PRKG2: variants seen among roughly 807,000 people sequenced by gnomAD.
The protein encoded by PRKG2 is cGMP-dependent protein kinase 2.
In PRKG2, 33 loss-of-function variants were observed where a neutral mutation model predicts 97.2. That is an observed-to-expected ratio of 0.34 (90% CI 0.26 to 0.45). The LOEUF is 0.45. Among genes scored for constraint, PRKG2 ranks in the 20% least tolerant of loss-of-function variants. The pLI is 1.00. For synonymous variants in PRKG2, 330 were observed against 321.8 expected, an observed-to-expected ratio of 1.03 and a Z score of -0.27; for missense variants, 638 against 900.0, an observed-to-expected ratio of 0.71 and a Z score of 3.73.
intron 17 of PRKG2, among the ~76,000 whole-genome samples, chr4:81,102,361 A>T (rs972815387): frequency 1.3e-5 from 2 of 152,236 alleles, no homozygotes; most frequent in East Asian, 3.8e-4. Context: ...AAAGCATAAC[A>T]TGAAGAACCT....
chr4:81,155,184 A>C (rs1297862473), intron 6 of PRKG2, among the ~76,000 whole-genome samples: 1 of 150,090 alleles, frequency 6.7e-6, no homozygotes, highest in Non-Finnish European at 1.5e-5. Context: ...TCTCAAAAAA[A>C]AAAAAAAGAA....
chr4:81,165,495 T>A (rs952364933), intron 6 of PRKG2, among the ~76,000 whole-genome samples: 1 of 152,196 alleles, frequency 6.6e-6, no homozygotes, highest in Non-Finnish European at 1.5e-5. Flanking sequence ...CAGGACCAAG[T>A]TGATGGGTCA....
intron 14 of PRKG2, among the ~76,000 whole-genome samples, chr4:81,126,771 C>T (rs534475550): frequency 1.3e-5 from 2 of 152,036 alleles, no homozygotes; most frequent in African/African-American, 4.8e-5. Context: ...TGGATATTAG[C>T]CCTTTGTCAG....
At chr4:81,148,519 C>T (rs1312319626) in intron 9 of PRKG2, among the ~76,000 whole-genome samples, 1 of 152,066 alleles carries the variant, frequency 6.6e-6, no homozygotes, top group Non-Finnish European at 1.5e-5. Flanking sequence ...AAAAATTGAC[C>T]ACTAAAGGCA....
chr4:81,147,883 GATAAA>G (rs1748010321), intron 9 of PRKG2, among the ~76,000 whole-genome samples: 2 of 152,090 alleles, frequency 1.3e-5, no homozygotes, highest in Non-Finnish European at 1.5e-5. Flanking sequence ...AAAATGTATA[GATAAA>G]ATAATTTTAT....
chr4:81,110,433 C>T lies in PRKG2; in HGVS notation c.1940+15G>A, dbSNP rs747918492. 1.3e-6 allele frequency: 2 copies of T among 1,599,466 alleles called. No homozygotes were observed. The highest frequency in any genetic ancestry group is 2.3e-5 in the South Asian group (2 of 88,776). On this transcript the variant is annotated intron_variant, in intron 15 of 18. Coordinates refer to ENST00000264399, the MANE Select transcript of PRKG2 (RefSeq NM_006259.3). ...TCTCTGAAGAGGTGGCTGCATAAAA[C>T]TTGAAGGTACATACTTGCCCGTTAG...
chr4:81,144,610 ATT>A (rs780598203), intron 9 of PRKG2, among the ~76,000 whole-genome samples: 1 of 140,060 alleles, frequency 7.1e-6, no homozygotes, highest in African/African-American at 2.9e-5. Flanking sequence ...ATATATATAT[ATT>A]TTTTTTTTAT....
At chr4:81,194,554 AT>A (rs1752822986) in intron 2 of PRKG2, among the ~76,000 whole-genome samples, 1 of 152,168 alleles carries the variant, frequency 6.6e-6, no homozygotes, top group Non-Finnish European at 1.5e-5. Flanking sequence ...TACAGTTGTA[AT>A]TTAATTCTGT....
rs554997006 is a variant in PRKG2 at position 81,152,919 on chromosome 4, G to A, written c.990+725C>T. ...TTCAACCACAATCCAGTTTACAAAT[G>A]GCAGTGCCTGACTCCCTGATGGTAA... On this transcript the variant is annotated intron_variant, in intron 7 of 18. Coordinates refer to ENST00000264399, the MANE Select transcript of PRKG2 (RefSeq NM_006259.3). Among the ~76,000 whole-genome samples, 16 of 152,200 alleles carry A rather than the reference G, an allele frequency of 1.1e-4. No homozygotes were observed. In the South Asian group the frequency reaches 1.5e-3, roughly 14 times the overall value.
chr4:81,203,705 T>C (rs1753458105), intron 2 of PRKG2, among the ~76,000 whole-genome samples: 1 of 152,078 alleles, frequency 6.6e-6, no homozygotes, highest in East Asian at 1.9e-4. Flanking sequence ...CATAAAGAAA[T>C]GCATACACAC....
intron 1 of PRKG2, among the ~76,000 whole-genome samples, chr4:81,210,241 G>A (rs976279625): frequency 4.7e-5 from 7 of 150,220 alleles, no homozygotes; most frequent in Non-Finnish European, 1.0e-4. Context: ...ATTTTGACTT[G>A]ATTAAAATTT....
intron 15 of PRKG2, among the ~76,000 whole-genome samples, chr4:81,109,519 G>T (rs1175259279): frequency 6.6e-6 from 1 of 152,164 alleles, no homozygotes; most frequent in Non-Finnish European, 1.5e-5. Context: ...AACACATATA[G>T]AAGGAAGGTG....
chr4:81,156,710 C>T (rs1025728449), intron 6 of PRKG2, among the ~76,000 whole-genome samples: 9 of 152,134 alleles, frequency 5.9e-5, no homozygotes, highest in African/African-American at 1.9e-4. Context: ...TGTAAAAGAA[C>T]AGAAATTATA....
chr4:81,175,687 A>C (rs1750862567), intron 2 of PRKG2: 1 of 152,186 alleles, frequency 6.6e-6, no homozygotes, highest in African/African-American at 2.4e-5. Context: ...TGACATTTCC[A>C]ATCTCACAGT....
At chr4:81,216,993 G>A (rs1218285641), upstream of PRKG2, among the ~76,000 whole-genome samples, 3 of 144,666 alleles carry the variant, frequency 2.1e-5, 1 homozygote, top group Admixed American at 2.1e-4. Context: ...CACAGTGTAT[G>A]TGTGTGTATA....
intron 6 of PRKG2, among the ~76,000 whole-genome samples, chr4:81,157,242 G>A (rs1749185548): frequency 6.6e-6 from 1 of 151,528 alleles, no homozygotes; most frequent in South Asian, 2.1e-4. Context: ...AAATGATAAA[G>A]GGGATATCAC....
chr4:81,128,369 T>C lies in PRKG2; in HGVS notation c.1776+6786A>G, dbSNP rs903069911. Among the ~76,000 whole-genome samples the C allele has an allele frequency of 5.3e-5, 8 of 152,216 alleles. No homozygotes were observed. The South Asian group carries it at 1.7e-3, about 32-fold the overall frequency. The stretch of plus-strand genomic sequence containing the variant: ...ATAAAATGAGTTAGGGAGGAGTTCC[T>C]CTTTTTCTATTGTTTGGAATAGTTT... On this transcript the variant is annotated intron_variant, in intron 14 of 18. Transcript: ENST00000264399.
At chr4:81,205,181 A>C (rs972967284) in intron 1 of PRKG2, 121 bp from the exon 2 acceptor site, 8 of 639,144 alleles carry the variant, frequency 1.3e-5, no homozygotes, top group Non-Finnish European at 1.8e-5. Flanking sequence ...TTGTTTGAAA[A>C]GCAATAAACT....
chr4:81,102,200 C>T (rs1161031870), intron 17 of PRKG2, among the ~76,000 whole-genome samples: 1 of 152,166 alleles, frequency 6.6e-6, no homozygotes, highest in Non-Finnish European at 1.5e-5. Flanking sequence ...TTCTTTATTG[C>T]TATGCTGAGG....
Sources: allele counts gnomAD v4.1 joint callset (sites outside exome capture counted in the v4.1 genomes callset), GRCh38; gene constraint gnomAD v4.1.1; transcripts MANE v1.5; gene names NCBI Gene and HGNC (gene_info 2026-07-23, HGNC 2026-07-21).